IFT172: variants seen among roughly 807,000 people sequenced by gnomAD.
IFT172 encodes intraflagellar transport protein 172 homolog.
IFT172 carries 164 observed loss-of-function variants against 248.9 expected under a neutral mutation model. The ratio of observed to expected loss-of-function variants is 0.66; its 90% confidence interval spans 0.58 to 0.75. The LOEUF (loss-of-function observed/expected upper bound fraction) is 0.75, where lower values mean the gene tolerates loss of function less well. Ranked by LOEUF, IFT172 falls within the 30% of genes least tolerant of loss-of-function variation. The pLI, the probability that IFT172 is intolerant of heterozygous loss-of-function variation, is 0.00. For synonymous variants in IFT172, 729 were observed against 791.6 expected (o/e 0.92, Z 1.33); for missense variants, 1,950 against 2,192.4 (o/e 0.89, Z 2.21).
At position 27,477,603 on chromosome 2, in the gene IFT172, G is replaced by T; in HGVS notation, c.1177C>A (p.Gln393Lys). 6.2e-7 allele frequency: 1 copy of T among 1,607,830 alleles called. No individual in the cohort carries two copies. Among genetic ancestry groups the T allele is most frequent in the Non-Finnish European group, 8.5e-7 (1 of 1,174,236 alleles). Residue 393 changes from glutamine to lysine, a missense_variant, in exon 12 of 48, where the codon CAA becomes AAA. Gln to Lys is a moderately conservative substitution (Grantham distance 53). Around this residue, in one of 3 missense-constraint regions of IFT172, gnomAD observed 1,166 missense variants for 1,254.1 expected, o/e 0.93. Transcript: ENST00000260570. ...TACTTCTCATTGCCACCAGATCCTT[G>T]CCAGGCTATCTGTAACGGGAGAAGA... is the stretch of plus-strand genomic sequence containing the variant. Reference protein sequence around the residue: ...NTNRLSEIAWQGSGGNEKYFF... With the variant: ...NTNRLSEIAWKGSGGNEKYFF...
At chr2:27,466,965 T>A (rs1667132219) in intron 16 of IFT172, among the ~76,000 whole-genome samples, 1 of 151,358 alleles carries the variant, frequency 6.6e-6, no homozygotes, top group Non-Finnish European at 1.5e-5. Context: ...CAGTGAGCCA[T>A]GATCATGCCA....
intron 42 of IFT172, among the ~76,000 whole-genome samples, chr2:27,446,800 C>T (rs1343612714): frequency 6.9e-6 from 1 of 145,436 alleles, no homozygotes; most frequent in Admixed American, 7.2e-5. Context: ...CCCGGGTTCA[C>T]GCCATTCTCC....
intron 16 of IFT172, among the ~76,000 whole-genome samples, chr2:27,470,547 CAGGAG>C (rs1304805017): frequency 6.6e-6 from 1 of 152,014 alleles, no homozygotes; most frequent in East Asian, 1.9e-4. Context: ...TGTGGTAGGA[CAGGAG>C]AGAAGAGCTG....
At chr2:27,444,794 C>T (rs1664891952) in intron 47 of IFT172, among the ~76,000 whole-genome samples, 1 of 152,120 alleles carries the variant, frequency 6.6e-6, no homozygotes, top group South Asian at 2.1e-4. Context: ...ATTACAGGTG[C>T]ACGCCACCAG....
Position 27,481,060 on chromosome 2 carries a change from T to C in IFT172, c.771A>G (p.Leu257=), listed in dbSNP as rs756245677. ...VSSPGGQSVV[L]GSYDRLRVFN... ...AGGGGACTTACCTGTCATAACTTCC[T>C]AGCACAACAGACTGGCCCCCAGGAC... The change falls in exon 8 of 48, where the codon CTA becomes CTG. Residue 257 remains leucine, a synonymous_variant. Coordinates refer to ENST00000260570, the MANE Select transcript of IFT172 (RefSeq NM_015662.3). The C allele has an allele frequency of 1.9e-6, 3 of 1,613,726 alleles. No homozygotes were observed. The African/African-American group carries it at 4.0e-5, about 22-fold the overall frequency.
chr2:27,463,241 T>G (rs956033186), intron 18 of IFT172, 60 bp from the exon 19 acceptor site: 6 of 1,484,126 alleles, frequency 4.0e-6, no homozygotes, highest in Non-Finnish European at 5.6e-6. Flanking sequence ...CATTAATTCA[T>G]TGGTTCAGCA....
intron 35 of IFT172, 47 bp from the exon 36 acceptor site, chr2:27,450,143 C>G (rs763648791): frequency 2.2e-6 from 3 of 1,374,270 alleles, no homozygotes; most frequent in South Asian, 2.4e-5. Flanking sequence ...AGACAAATAC[C>G]GCTGAGTCCT....
intron 16 of IFT172, among the ~76,000 whole-genome samples, chr2:27,468,619 G>T (rs1174904983): frequency 6.6e-6 from 1 of 152,028 alleles, no homozygotes; most frequent in East Asian, 1.9e-4. Flanking sequence ...GGATGCTGAG[G>T]CGGGCAGATC....
Position 27,445,044 on chromosome 2 carries a change from G to A in IFT172, c.5130C>T (p.Asp1710=), listed in dbSNP as rs1210469184. The change falls in exon 47 of 48, where the codon GAC becomes GAT. Residue 1710 remains aspartate (D), a synonymous_variant. Transcript: ENST00000260570. The surrounding 1 kb of genome is among the most constrained non-coding windows in gnomAD (Gnocchi z 4.4). ...FKRPGKAANK[D]NWNKFLMAIK... is the part of the protein sequence containing the mutation. ...TGGCCATAAGGAATTTATTCCAGTT[G>A]TCCTTGTTAGCAGCCTTCCCTGGCC... is the stretch of plus-strand genomic sequence containing the variant. The A allele has an allele frequency of 6.2e-7, 1 of 1,613,620 alleles. No homozygotes were observed. Among genetic ancestry groups the A allele is most frequent in the Non-Finnish European group, 8.5e-7 (1 of 1,179,992 alleles).
chr2:27,461,822 C>G lies in IFT172; in HGVS notation c.2130G>C (p.Glu710Asp). 1 of 1,614,130 alleles carries G rather than the reference C, an allele frequency of 6.2e-7. No homozygotes were observed. Among genetic ancestry groups the G allele is most frequent in the South Asian group, 1.1e-5 (1 of 91,066 alleles). ...GTAGCTCCTGGTACATGCCCATGGC[C>G]TCCTCCACAGCATTCTAGGGGAAAC... ...MIFLEQNAVE[E>D]AMGMYQELHR... Residue 710 changes from glutamate to aspartate, a missense_variant, in exon 21 of 48, where the codon GAG becomes GAC. By Grantham distance (45) the Glu-to-Asp change is conservative (BLOSUM62 2). This residue lies in a region of IFT172 where 1,166 missense variants were observed against 1,254.1 expected (regional missense o/e 0.93). Coordinates refer to ENST00000260570, the MANE Select transcript of IFT172 (RefSeq NM_015662.3).
chr2:27,476,501 A>G (rs1399436243), intron 14 of IFT172, 140 bp downstream of exon 14: 3 of 582,256 alleles, frequency 5.2e-6, no homozygotes, highest in Non-Finnish European at 9.4e-6. Flanking sequence ...CATTTCATAT[A>G]TATCCACTGT....
intron 42 of IFT172, 49 bp downstream of exon 42, chr2:27,447,466 G>A: frequency 6.3e-7 from 1 of 1,598,222 alleles, no homozygotes; most frequent in Non-Finnish European, 8.5e-7. Flanking sequence ...TTATACATTT[G>A]CAGATGAGCC....
At chr2:27,477,702 G>A in intron 11 of IFT172, 90 bp from the exon 12 acceptor site, 1 of 989,176 alleles carries the variant, frequency 1.0e-6, no homozygotes, top group South Asian at 1.3e-5. Flanking sequence ...GAAGTGGAAA[G>A]ATATATTTAT....
At chr2:27,487,140 T>C (rs1279172886) in intron 1 of IFT172, among the ~76,000 whole-genome samples, 1 of 152,150 alleles carries the variant, frequency 6.6e-6, no homozygotes, top group Admixed American at 6.6e-5. Flanking sequence ...AGACATGGTT[T>C]CACCGTATTG....
At chr2:27,449,950 C>G (rs1032709771) in intron 36 of IFT172, 48 bp downstream of exon 36, 2 of 1,532,336 alleles carry the variant, frequency 1.3e-6, no homozygotes, top group African/African-American at 2.7e-5. Context: ...CACCCTTGCA[C>G]CCATCTCTGT....
chr2:27,467,418 G>GGAAA (rs1558391401), intron 16 of IFT172, among the ~76,000 whole-genome samples: 3 of 16,426 alleles, frequency 1.8e-4, no homozygotes, highest in Non-Finnish European at 3.2e-4. Flanking sequence ...ACAGAAAATT[G>GGAAA]AAAAAAAAAA....
chr2:27,477,124 T>C, intron 13 of IFT172, 93 bp downstream of exon 13: 1 of 1,166,904 alleles, frequency 8.6e-7, no homozygotes, highest in Non-Finnish European at 1.3e-6. Context: ...CACACCTGGC[T>C]GAAGCTTTTG....
rs1412627657 is a variant in IFT172, at chr2:27,454,520, G to A, written c.3465+47C>T. 4 of 1,609,396 alleles carry A rather than the reference G, an allele frequency of 2.5e-6. No homozygotes were observed. The highest frequency in any genetic ancestry group is 3.4e-6 in the Non-Finnish European group (4 of 1,175,774). On this transcript the variant is annotated intron_variant, in intron 31 of 47. Coordinates refer to ENST00000260570, the MANE Select transcript of IFT172 (RefSeq NM_015662.3). The surrounding 1 kb of genome is among the most constrained non-coding windows in gnomAD (Gnocchi z 4.2). ...CACACCCAGCAGCAGTGCACTAGGG[G>A]ATGGAATAAGAGGGCTCTGCGGTCG...
At chr2:27,461,247 T>G (rs779845534) in intron 22 of IFT172, 22 bp downstream of exon 22, 1 of 1,613,396 alleles carries the variant, frequency 6.2e-7, no homozygotes, top group East Asian at 2.2e-5. Context: ...AGATAAGGGC[T>G]AGGAAAAGGA....
Sources: gnomAD v4.1 joint callset for allele counts (sites outside exome capture counted in the v4.1 genomes callset) on GRCh38, gnomAD v4.1.1 for gene constraint, gnomAD v4.1.1 regional missense constraint, Gnocchi (gnomAD v3.1) non-coding constraint, MANE v1.5 for transcripts, NCBI Gene and HGNC (gene_info 2026-07-23, HGNC 2026-07-21) for gene names.